Variants in LPAR1 observed in about 807,000 individuals in gnomAD.
LPAR1 encodes lysophosphatidic acid receptor 1.
In LPAR1, 5 loss-of-function variants were observed where a neutral mutation model predicts 23.8. The observed-to-expected ratio is 0.21, with a 90% CI of 0.11 to 0.44. The LOEUF (loss-of-function observed/expected upper bound fraction) is 0.44, where lower values mean the gene tolerates loss of function less well. Among genes scored for constraint, LPAR1 ranks in the 20% least tolerant of loss-of-function variants. The pLI, the probability that LPAR1 is intolerant of heterozygous loss-of-function variation, is 0.99. For synonymous variants in LPAR1, 160 were observed against 164.7 expected (o/e 0.97, Z 0.22); for missense variants, 311 against 482.8 (o/e 0.64, Z 3.33).
At chr9:110,892,380 G>A in intron 5 of LPAR1, among the ~76,000 whole-genome samples, 1 of 152,234 alleles carries the variant, frequency 6.6e-6, no homozygotes, top group Non-Finnish European at 1.5e-5. Flanking sequence ...GTAGGTCATA[G>A]CTCAGGCCGG....
chr9:110,986,950 G>GTA (rs918249745), intron 2 of LPAR1, among the ~76,000 whole-genome samples: 15 of 151,276 alleles, frequency 9.9e-5, no homozygotes, highest in African/African-American at 3.7e-4. Flanking sequence ...TGATGTGTTT[G>GTA]TATACAAAGT....
At chr9:111,015,049 A>G (rs555707269) in intron 2 of LPAR1, among the ~76,000 whole-genome samples, 2 of 152,170 alleles carry the variant, frequency 1.3e-5, no homozygotes, top group Non-Finnish European at 2.9e-5. Context: ...ACAGGCAGGT[A>G]CAAACGAAAA....
chr9:110,931,508 C>T (rs1374926664), intron 5 of LPAR1, among the ~76,000 whole-genome samples: 1 of 152,162 alleles, frequency 6.6e-6, no homozygotes, highest in African/African-American at 2.4e-5. Flanking sequence ...GTTTCTTTTG[C>T]TGTGCAGAAG....
At chr9:110,978,609 A>T (rs2096607252) in intron 2 of LPAR1, among the ~76,000 whole-genome samples, 1 of 152,168 alleles carries the variant, frequency 6.6e-6, no homozygotes, top group Non-Finnish European at 1.5e-5. Context: ...CTGAAGCCCA[A>T]ACCTGGAGGA....
intron 2 of LPAR1, among the ~76,000 whole-genome samples, chr9:110,997,590 C>T (rs187027620): frequency 3.4e-4 from 52 of 152,212 alleles, no homozygotes; most frequent in African/African-American, 1.2e-3. Context: ...AACTTAAACA[C>T]AAAACAAAAC....
chr9:111,016,531 A>C (rs2097450037), intron 2 of LPAR1, among the ~76,000 whole-genome samples: 1 of 152,224 alleles, frequency 6.6e-6, no homozygotes, highest in Non-Finnish European at 1.5e-5. Context: ...TACTCCCTGA[A>C]GTAAAAAGAC....
intron 5 of LPAR1, among the ~76,000 whole-genome samples, chr9:110,905,269 G>T (rs150279682): frequency 3.9e-4 from 59 of 152,260 alleles, no homozygotes; most frequent in African/African-American, 1.4e-3. Context: ...CTTGAGAAGT[G>T]CTAGGTCATA....
intron 4 of LPAR1, among the ~76,000 whole-genome samples, chr9:110,949,644 A>G (rs1303110038): frequency 3.3e-5 from 5 of 152,228 alleles, no homozygotes; most frequent in Admixed American, 3.3e-4. Flanking sequence ...ATAAGAAGCC[A>G]GTAGAATCAT....
chr9:110,896,623 T>G (rs2086423419), intron 5 of LPAR1, among the ~76,000 whole-genome samples: 1 of 152,054 alleles, frequency 6.6e-6, no homozygotes, highest in East Asian at 1.9e-4. Context: ...TCCACAAGAA[T>G]AGTACACTAA....
At chr9:111,005,577 A>ATT (rs2097203558) in intron 2 of LPAR1, among the ~76,000 whole-genome samples, 1 of 120,872 alleles carries the variant, frequency 8.3e-6, no homozygotes, top group East Asian at 2.1e-4. Flanking sequence ...AAAAAAAAAA[A>ATT]GAAGAATTGG....
chr9:111,028,973 T>C (rs376794344), intron 2 of LPAR1, among the ~76,000 whole-genome samples: 13 of 152,168 alleles, frequency 8.5e-5, no homozygotes, highest in South Asian at 2.1e-4. Flanking sequence ...CCAGTGGGTA[T>C]TGTTGAAATT....
intron 5 of LPAR1, among the ~76,000 whole-genome samples, chr9:110,926,256 C>T (rs887671825): frequency 7.9e-5 from 12 of 152,128 alleles, no homozygotes; most frequent in Admixed American, 5.2e-4. Flanking sequence ...CATGTGAGTC[C>T]GACTCCCAAG....
intron 4 of LPAR1, among the ~76,000 whole-genome samples, chr9:110,966,396 T>C (rs1379429476): frequency 6.6e-6 from 1 of 151,640 alleles, no homozygotes; most frequent in Non-Finnish European, 1.5e-5. Context: ...GGAGAATCGC[T>C]TGAACTCAGG....
intron 2 of LPAR1, among the ~76,000 whole-genome samples, chr9:111,022,612 A>G (rs2097579613): frequency 6.6e-6 from 1 of 152,198 alleles, no homozygotes; most frequent in South Asian, 2.1e-4. Flanking sequence ...ACTTAACTTC[A>G]GTGTTATAAT....
chr9:111,035,734 C>G (rs2097881557), intron 2 of LPAR1, among the ~76,000 whole-genome samples: 1 of 152,180 alleles, frequency 6.6e-6, no homozygotes, highest in Admixed American at 6.5e-5. Context: ...AAAAGGAAGA[C>G]AGGCCACACA....
chr9:110,914,401 G>T (rs946732897), intron 5 of LPAR1, among the ~76,000 whole-genome samples: 1 of 152,114 alleles, frequency 6.6e-6, no homozygotes, highest in African/African-American at 2.4e-5. Flanking sequence ...AAGTGAAAGG[G>T]GTTTCCCCCT....
intron 2 of LPAR1, among the ~76,000 whole-genome samples, chr9:110,979,321 G>T (rs2096621855): frequency 6.6e-6 from 1 of 150,862 alleles, no homozygotes; most frequent in Non-Finnish European, 1.5e-5. Flanking sequence ...AAGTAAAGAA[G>T]ACTAGAACAG....
intron 5 of LPAR1, among the ~76,000 whole-genome samples, chr9:110,889,455 T>C (rs1450546333): frequency 2.0e-5 from 3 of 152,200 alleles, no homozygotes; most frequent in African/African-American, 7.2e-5. Flanking sequence ...TGTGTATATG[T>C]AGATACACAC....
chr9:111,006,361 A>C (rs1194042118), intron 2 of LPAR1, among the ~76,000 whole-genome samples: 2 of 152,208 alleles, frequency 1.3e-5, no homozygotes, highest in African/African-American at 4.8e-5. Flanking sequence ...AAAAAGAAAC[A>C]TACAAAATGT....
Sources: allele counts gnomAD v4.1 joint callset (sites outside exome capture counted in the v4.1 genomes callset), GRCh38; gene constraint gnomAD v4.1.1; transcripts MANE v1.5; gene names NCBI Gene and HGNC (gene_info 2026-07-23, HGNC 2026-07-21).